Variants in TM9SF2 observed in about 807,000 individuals in gnomAD.
TM9SF2 encodes 76 kDa membrane protein.
TM9SF2 carries 13 observed loss-of-function variants against 84.9 expected under a neutral mutation model. The observed-to-expected ratio is 0.15, with a 90% CI of 0.10 to 0.24. The LOEUF is 0.24. Among genes scored for constraint, TM9SF2 ranks in the 10% least tolerant of loss-of-function variants. The pLI is 1.00. For missense variants in TM9SF2, 562 were observed against 818.5 expected, an observed-to-expected ratio of 0.69 and a Z score of 3.82; for synonymous variants, 273 against 285.8, an observed-to-expected ratio of 0.96 and a Z score of 0.45.
chr13:99,540,928 A>C, intron 8 of TM9SF2, 135 bp downstream of exon 8: 1 of 730,160 alleles, frequency 1.4e-6, no homozygotes, highest in East Asian at 2.7e-5. Flanking sequence ...GCTTTCAGCC[A>C]CTGATTGTGA....
chr13:99,560,454 G>A (rs1007279080), intron 16 of TM9SF2, among the ~76,000 whole-genome samples: 5 of 152,044 alleles, frequency 3.3e-5, no homozygotes, highest in African/African-American at 1.2e-4. Flanking sequence ...ATAAATTTAG[G>A]TCCAGAGCTG....
At chr13:99,551,493 A>T (rs180787747) in intron 12 of TM9SF2, among the ~76,000 whole-genome samples, 133 of 152,374 alleles carry the variant, frequency 8.7e-4, no homozygotes, top group African/African-American at 3.1e-3. Context: ...ATGGAAGAGC[A>T]TCTTCATGGT....
intron 4 of TM9SF2, among the ~76,000 whole-genome samples, chr13:99,533,959 G>T (rs1043822924): frequency 2.0e-5 from 3 of 152,098 alleles, no homozygotes; most frequent in African/African-American, 7.2e-5. Flanking sequence ...GCGAGCCACC[G>T]CTCCTGGCCA....
chr13:99,525,442 A>G lies in TM9SF2; in HGVS notation c.334-4025A>G, dbSNP rs375872127. 2.6e-5 allele frequency among the ~76,000 whole-genome samples: 4 copies of G among 151,712 alleles called. No homozygotes were observed. The East Asian group carries it at 7.7e-4, about 29-fold the overall frequency. On this transcript the variant is annotated intron_variant, in intron 3 of 16. Transcript: ENST00000376387. ...TTTTTAGTAGGGACAGGGCTTTGCCATGTTGGCCAGGCTGGTCTCAAACTC... is the reference window on the plus strand; with the variant it reads ...TTTTTAGTAGGGACAGGGCTTTGCCGTGTTGGCCAGGCTGGTCTCAAACTC...
At chr13:99,530,280 C>A (rs1392415740) in intron 4 of TM9SF2, among the ~76,000 whole-genome samples, 2 of 152,078 alleles carry the variant, frequency 1.3e-5, no homozygotes, top group Non-Finnish European at 2.9e-5. Flanking sequence ...AAAAATTAGC[C>A]AGGTGTGGTG....
chr13:99,561,109 A>G (rs1012960231), intron 16 of TM9SF2, among the ~76,000 whole-genome samples: 2 of 152,214 alleles, frequency 1.3e-5, no homozygotes, highest in African/African-American at 2.4e-5. Context: ...ACTTTCTTCA[A>G]TTGTATTTTT....
intron 16 of TM9SF2, among the ~76,000 whole-genome samples, chr13:99,560,397 C>T (rs1477135041): frequency 6.6e-6 from 1 of 152,140 alleles, no homozygotes. Flanking sequence ...TTCTGTATTC[C>T]AGGTCATTGA....
At chr13:99,548,772 C>T (rs4586288) in intron 11 of TM9SF2, among the ~76,000 whole-genome samples, 84,420 of 152,074 alleles carry the variant, frequency 0.56, 24,425 homozygotes, top group East Asian at 0.7. Flanking sequence ...ATGTGTTGCA[C>T]ATCAGGCTTG....
Position 99,548,287 on chromosome 13 carries a change from G to A in TM9SF2, c.1271-878G>A, listed in dbSNP as rs146352091. On this transcript the variant is annotated intron_variant, in intron 11 of 16. Coordinates refer to ENST00000376387, the MANE Select transcript of TM9SF2 (RefSeq NM_004800.3). The stretch of plus-strand genomic sequence containing the variant: ...ATCCTGTATTACTTGAATTTTGACT[G>A]AAATTATAGTAAACCCAGAATTAAT... 5.3e-3 allele frequency among the ~76,000 whole-genome samples: 804 copies of A among 152,226 alleles called. 3 individuals carry two copies. The highest frequency in any genetic ancestry group is 8.9e-3 in the Non-Finnish European group (606 of 68,012).
chr13:99,544,085 C>CT, intron 10 of TM9SF2, 90 bp downstream of exon 10: 1 of 1,438,812 alleles, frequency 7.0e-7, no homozygotes, highest in East Asian at 2.3e-5. Flanking sequence ...GGCATGGTGG[C>CT]TCATGCCTGT....
intron 10 of TM9SF2, among the ~76,000 whole-genome samples, chr13:99,545,858 C>G (rs114709957): frequency 0.026 from 3,893 of 152,268 alleles, 165 homozygotes; most frequent in African/African-American, 0.087. Context: ...AGCTACCACA[C>G]CCAGCCAACT....
At chr13:99,523,503 T>G (rs913315276) in intron 3 of TM9SF2, among the ~76,000 whole-genome samples, 5 of 152,306 alleles carry the variant, frequency 3.3e-5, no homozygotes, top group African/African-American at 1.2e-4. Context: ...AGCAACAAAA[T>G]AAAATCCCAG....
chr13:99,508,856 C>A (rs1254422855), intron 1 of TM9SF2, among the ~76,000 whole-genome samples: 1 of 152,134 alleles, frequency 6.6e-6, no homozygotes, highest in Non-Finnish European at 1.5e-5. Flanking sequence ...ATCTAGTCAC[C>A]TCCCACCAGG....
chr13:99,536,524 A>C, intron 4 of TM9SF2, 84 bp from the exon 5 acceptor site: 2 of 1,500,292 alleles, frequency 1.3e-6, no homozygotes, highest in South Asian at 2.6e-5. Context: ...TAAATTTTAC[A>C]AAGTGATGAC....
chr13:99,541,956 C>T (rs906686356), intron 9 of TM9SF2, among the ~76,000 whole-genome samples: 3 of 152,006 alleles, frequency 2.0e-5, no homozygotes, highest in Non-Finnish European at 4.4e-5. Context: ...TCAAGACCAG[C>T]CTGACCAACA....
chr13:99,552,559 T>A (rs1431355447), intron 13 of TM9SF2, among the ~76,000 whole-genome samples: 1 of 152,178 alleles, frequency 6.6e-6, no homozygotes, highest in East Asian at 1.9e-4. Flanking sequence ...ATAGATTAAT[T>A]GGGAAAGAAA....
intron 3 of TM9SF2, among the ~76,000 whole-genome samples, chr13:99,527,682 A>G (rs2046189953): frequency 6.6e-6 from 1 of 152,212 alleles, no homozygotes; most frequent in Admixed American, 6.5e-5. Flanking sequence ...GCAGCCTTAT[A>G]TGATTTCCCT....
chr13:99,557,721 T>TA (rs2139113461), intron 15 of TM9SF2, among the ~76,000 whole-genome samples: 1 of 152,040 alleles, frequency 6.6e-6, no homozygotes, highest in East Asian at 1.9e-4. Context: ...CTTGTCTTTA[T>TA]AAAAAATAAC....
intron 15 of TM9SF2, 145 bp downstream of exon 15, chr13:99,555,792 C>T: frequency 2.0e-6 from 1 of 506,490 alleles, no homozygotes; most frequent in Non-Finnish European, 3.4e-6. Flanking sequence ...TCAAATGTAA[C>T]CTTCTTTAGG....
Sources: allele counts gnomAD v4.1 joint callset (sites outside exome capture counted in the v4.1 genomes callset), GRCh38; gene constraint gnomAD v4.1.1; transcripts MANE v1.5; gene names NCBI Gene and HGNC (gene_info 2026-07-23, HGNC 2026-07-21).